The following CSMD1 variants were observed in gnomAD, a reference collection of about 807,000 sequenced individuals.
The protein encoded by CSMD1 is CUB and sushi domain-containing protein 1.
CSMD1 carries 213 observed loss-of-function variants against 417.5 expected under a neutral mutation model. The observed-to-expected ratio is 0.51, with a 90% CI of 0.46 to 0.57. The LOEUF is 0.57. Among genes scored for constraint, CSMD1 ranks in the 20% least tolerant of loss-of-function variants. CSMD1 has a pLI of 0.00. For synonymous variants in CSMD1, 2,862 were observed against 1,736.8 expected, an observed-to-expected ratio of 1.65 and a Z score of -16.11; for missense variants, 6,923 against 4,529.7, an observed-to-expected ratio of 1.53 and a Z score of -15.17.
chr8:3,980,706 G>A (rs529490629), intron 5 of CSMD1, among the ~76,000 whole-genome samples: 1 of 152,128 alleles, frequency 6.6e-6, no homozygotes, highest in Non-Finnish European at 1.5e-5. Context: ...TTAAAAGAAC[G>A]ATGTGACAAG....
intron 3 of CSMD1, among the ~76,000 whole-genome samples, chr8:4,408,460 G>C (rs530050487): frequency 2.0e-5 from 3 of 152,178 alleles, no homozygotes; most frequent in Admixed American, 6.5e-5. Context: ...ATAACTGCAT[G>C]AATTATTGAC....
At chr8:4,059,211 G>A (rs1253417722) in intron 3 of CSMD1, among the ~76,000 whole-genome samples, 2 of 152,260 alleles carry the variant, frequency 1.3e-5, no homozygotes, top group South Asian at 2.1e-4. Context: ...ATAACGAAAT[G>A]AAGGCAGAAA....
intron 5 of CSMD1, among the ~76,000 whole-genome samples, chr8:3,798,682 A>G (rs138133038): frequency 7.2e-5 from 11 of 152,274 alleles, no homozygotes; most frequent in East Asian, 5.8e-4. Context: ...TTACACACAT[A>G]TAAGTGTATA....
chr8:4,573,840 G>A (rs998638396), intron 2 of CSMD1, among the ~76,000 whole-genome samples: 1 of 152,216 alleles, frequency 6.6e-6, no homozygotes, highest in Non-Finnish European at 1.5e-5. Flanking sequence ...GGAATCTAGA[G>A]AAGCAGTCTG....
intron 1 of CSMD1, among the ~76,000 whole-genome samples, chr8:4,744,065 A>T (rs938064012): frequency 6.6e-6 from 1 of 152,186 alleles, no homozygotes; most frequent in Non-Finnish European, 1.5e-5. Context: ...TGCGGCTTTG[A>T]TGATGATTCA....
chr8:4,035,939 A>G (rs949812384), intron 3 of CSMD1, among the ~76,000 whole-genome samples: 2 of 152,138 alleles, frequency 1.3e-5, no homozygotes, highest in African/African-American at 4.8e-5. Context: ...CAGCCCCACA[A>G]ACTCTATTCA....
At chr8:4,853,384 G>A (rs1158819810) in intron 1 of CSMD1, among the ~76,000 whole-genome samples, 1 of 152,206 alleles carries the variant, frequency 6.6e-6, no homozygotes, top group Non-Finnish European at 1.5e-5. Flanking sequence ...GGCTCAAAGT[G>A]CCACAGGTAC....
At chr8:4,698,915 C>G (rs1807316772) in intron 1 of CSMD1, among the ~76,000 whole-genome samples, 1 of 151,532 alleles carries the variant, frequency 6.6e-6, no homozygotes, top group Admixed American at 6.6e-5. Context: ...CACACACACA[C>G]ACACACACAC....
At chr8:3,721,437 G>C (rs1030826272) in intron 6 of CSMD1, among the ~76,000 whole-genome samples, 5 of 152,112 alleles carry the variant, frequency 3.3e-5, no homozygotes, top group African/African-American at 9.7e-5. Context: ...ACATCAAACA[G>C]TTAGCTGGCA....
At chr8:3,041,081 A>C (rs1246570400) in intron 50 of CSMD1, among the ~76,000 whole-genome samples, 1 of 152,224 alleles carries the variant, frequency 6.6e-6, no homozygotes, top group Non-Finnish European at 1.5e-5. Context: ...TTCTTAACCA[A>C]CATGAAAATG....
At chr8:3,518,622 G>T (rs764698291) in intron 10 of CSMD1, among the ~76,000 whole-genome samples, 4 of 152,200 alleles carry the variant, frequency 2.6e-5, no homozygotes, top group Admixed American at 2.6e-4. Context: ...GGGAGTTAAT[G>T]TAGGGTATCA....
At chr8:4,091,772 T>C (rs1800733348) in intron 3 of CSMD1, among the ~76,000 whole-genome samples, 2 of 152,218 alleles carry the variant, frequency 1.3e-5, no homozygotes, top group South Asian at 4.1e-4. Flanking sequence ...ATATTCTACT[T>C]TAAGTTGTAG....
chr8:4,116,946 A>C (rs1274863962), intron 3 of CSMD1, among the ~76,000 whole-genome samples: 1 of 152,042 alleles, frequency 6.6e-6, no homozygotes, highest in African/African-American at 2.4e-5. Flanking sequence ...TTTTCCATGA[A>C]GTCTGAGAAT....
intron 10 of CSMD1, among the ~76,000 whole-genome samples, chr8:3,562,640 G>A (rs561576990): frequency 6.6e-6 from 1 of 151,778 alleles, no homozygotes; most frequent in South Asian, 2.1e-4. Context: ...AAATATCCTG[G>A]ATCTGTGAAA....
At chr8:3,655,561 C>T (rs1024867809) in intron 7 of CSMD1, among the ~76,000 whole-genome samples, 1 of 152,008 alleles carries the variant, frequency 6.6e-6, no homozygotes, top group East Asian at 1.9e-4. Flanking sequence ...GTGTAAGGTA[C>T]CAAGAGAGAA....
chr8:4,672,489 A>T (rs973834243), intron 1 of CSMD1, among the ~76,000 whole-genome samples: 1 of 152,202 alleles, frequency 6.6e-6, no homozygotes, highest in African/African-American at 2.4e-5. Context: ...CTTTTATATT[A>T]CTGATGAAAA....
chr8:4,399,264 ACAG>A (rs1472162768), intron 3 of CSMD1, among the ~76,000 whole-genome samples: 1 of 152,228 alleles, frequency 6.6e-6, no homozygotes, highest in African/African-American at 2.4e-5. Flanking sequence ...CCCCACAAAA[ACAG>A]CAACAAAGGA....
At position 4,864,759 on chromosome 8, in the gene CSMD1, T is replaced by C. The variant is rs555660634; in HGVS notation, c.85+129573A>G. Among the ~76,000 whole-genome samples the C allele has an allele frequency of 5.9e-5, 9 of 151,774 alleles. No homozygotes were observed. In the South Asian group the frequency reaches 1.7e-3, roughly 28 times the overall value. ...ATATTTTCCATATGAGTCATAACAA[T>C]TTGATTATTTTCATACGTTAGCTAA... On this transcript the variant is annotated intron_variant, in intron 1 of 69. Coordinates refer to ENST00000635120, the MANE Select transcript of CSMD1 (RefSeq NM_033225.6).
chr8:4,977,443 CCACGGACTCATG>C (rs1477734899), intron 1 of CSMD1, among the ~76,000 whole-genome samples: 1 of 152,122 alleles, frequency 6.6e-6, no homozygotes, highest in Non-Finnish European at 1.5e-5. Context: ...GGGTGCATGT[CCACGGACTCATG>C]CACATTGGGA....
Sources: allele counts gnomAD v4.1 joint callset (sites outside exome capture counted in the v4.1 genomes callset), GRCh38; gene constraint gnomAD v4.1.1; transcripts MANE v1.5; gene names NCBI Gene and HGNC (gene_info 2026-07-23, HGNC 2026-07-21).